AKAP8L: variants seen among roughly 807,000 people sequenced by gnomAD.
AKAP8L encodes A-kinase anchor protein 8-like.
Under a neutral mutation model 77.5 loss-of-function variants are expected in AKAP8L, and 34 were observed. The ratio of observed to expected loss-of-function variants is 0.44; its 90% confidence interval spans 0.33 to 0.58. The LOEUF is 0.58. AKAP8L is among the 20% of genes least tolerant of loss of function. The pLI, the probability that AKAP8L is intolerant of heterozygous loss-of-function variation, is 0.02. For missense variants in AKAP8L, 806 were observed against 887.6 expected, an observed-to-expected ratio of 0.91 and a Z score of 1.17; for synonymous variants, 342 against 340.7, an observed-to-expected ratio of 1.00 and a Z score of -0.04.
chr19:15,418,379 C>T (rs1271923380), intron 1 of AKAP8L, among the ~76,000 whole-genome samples: 1 of 152,092 alleles, frequency 6.6e-6, no homozygotes. Context: ...AGCCCAAACC[C>T]TTCCAATATT....
At chr19:15,385,538 T>C (rs1490170639) in intron 12 of AKAP8L, among the ~76,000 whole-genome samples, 1 of 152,290 alleles carries the variant, frequency 6.6e-6, no homozygotes, top group Non-Finnish European at 1.5e-5. Flanking sequence ...ACCTTACTTA[T>C]AATGTATCAT....
intron 12 of AKAP8L, among the ~76,000 whole-genome samples, chr19:15,392,118 G>A (rs372938116): frequency 5.9e-5 from 9 of 152,198 alleles, no homozygotes; most frequent in East Asian, 5.8e-4. Flanking sequence ...ACAGGTATGA[G>A]CTATAATGCC....
chr19:15,403,391 G>T lies in AKAP8L; in HGVS notation c.362+84C>A. 7.6e-7 allele frequency: 1 copy of T among 1,310,324 alleles called. No homozygotes were observed. Among genetic ancestry groups the T allele is most frequent in the Non-Finnish European group, 1.1e-6 (1 of 915,172 alleles). 81.2% of individuals were successfully genotyped at this position (1,310,324 alleles called of 1,614,324 possible). On this transcript the variant is annotated intron_variant, in intron 4 of 13. Transcript: ENST00000397410. The surrounding 1 kb of genome is among the most constrained non-coding windows in gnomAD (Gnocchi z 4.3). ...CAGCGGGGAGGAAGCAGACACAGAG[G>T]GGCACTCAGAGAGGAAAACGCAGTG...
chr19:15,404,367 G>A (rs1967958311), intron 2 of AKAP8L: 1 of 292,660 alleles, frequency 3.4e-6, no homozygotes, highest in Non-Finnish European at 6.4e-6. Flanking sequence ...GTGCTAATCA[G>A]TTTATAGCAG....
intron 1 of AKAP8L, among the ~76,000 whole-genome samples, chr19:15,414,834 T>C (rs1324042351): frequency 6.6e-6 from 1 of 152,218 alleles, no homozygotes; most frequent in Non-Finnish European, 1.5e-5. Flanking sequence ...GGGGTCTCAC[T>C]GTCATCCAGG....
Position 15,380,280 on chromosome 19 carries a change from G to T in AKAP8L, c.1783C>A (p.Pro595Thr). 6.6e-7 allele frequency: 1 copy of T among 1,524,738 alleles called. No homozygotes were observed. The highest frequency in any genetic ancestry group is 1.4e-5 in the African/African-American group (1 of 71,774). The allele number at this position is 1,524,738 out of a possible 1,614,324, so 94.5% of individuals were successfully genotyped here. ...VPAQPPVPPE[P>T]APGAVSPPPP... ...GGCGGCGACACGGCCCCGGGGGCTGGCTCTGGGGGCACGGGAGGCTGCGCC... is the reference window on the plus strand; with the variant it reads ...GGCGGCGACACGGCCCCGGGGGCTGTCTCTGGGGGCACGGGAGGCTGCGCC... Residue 595 changes from proline (P) to threonine (T), a missense_variant, in exon 14 of 14, where the codon CCA (proline) becomes ACA (threonine). Transcript: ENST00000397410.
chr19:15,380,844 A>G (rs1441636308), intron 12 of AKAP8L: 7 of 569,720 alleles, frequency 1.2e-5, no homozygotes, highest in East Asian at 5.7e-5. Flanking sequence ...ACAGATCTAT[A>G]TATCTCTAAC....
At position 15,380,602 on chromosome 19, in the gene AKAP8L, T is replaced by A; in HGVS notation, c.1547A>T (p.Glu516Val). Residue 516 changes from glutamate (E) to valine (V), a missense_variant, in exon 13 of 14, where the codon GAG becomes GTG. This residue lies in a region of AKAP8L where 226 missense variants were observed against 193.5 expected (regional missense o/e 1.17). Transcript: ENST00000397410. ...DHNRNRRLMM[E>V]QSKKSSLMVA... ...CATGAGGGAGGACTTCTTGGACTGC[T>A]CCATCATGAGCTGCGGGCAGGGCAG... The A allele has an allele frequency of 6.2e-7, 1 of 1,613,602 alleles. No homozygotes were observed. The highest frequency in any genetic ancestry group is 1.1e-5 in the South Asian group (1 of 91,086).
At position 15,397,908 on chromosome 19, in the gene AKAP8L, T is replaced by C; in HGVS notation, c.1158-53A>G. The C allele has an allele frequency of 6.3e-7, 1 of 1,584,816 alleles. No homozygotes were observed. Among genetic ancestry groups the C allele is most frequent in the Non-Finnish European group, 8.6e-7 (1 of 1,165,858 alleles). On this transcript the variant is annotated intron_variant, in intron 9 of 13. Coordinates refer to ENST00000397410, the MANE Select transcript of AKAP8L (RefSeq NM_014371.4). The surrounding 1 kb of genome is among the most constrained non-coding windows in gnomAD (Gnocchi z 4.7). The stretch of plus-strand genomic sequence containing the variant: ...AGGCTGCAAGTGTCCCAGGGGATAG[T>C]GCTGCCGCCTCACCCAACCCAGACA...
At chr19:15,414,238 G>A (rs766377960) in intron 1 of AKAP8L, among the ~76,000 whole-genome samples, 1 of 151,654 alleles carries the variant, frequency 6.6e-6, no homozygotes, top group African/African-American at 2.4e-5. Flanking sequence ...TGTATTTTTA[G>A]TAGAGACGGG....
At chr19:15,409,631 A>AC (rs765541351) in intron 2 of AKAP8L, among the ~76,000 whole-genome samples, 5 of 152,140 alleles carry the variant, frequency 3.3e-5, no homozygotes, top group Non-Finnish European at 5.9e-5. Context: ...CTCAACAGAT[A>AC]CCCCTAGAGT....
At chr19:15,391,672 G>A (rs1233764448) in intron 12 of AKAP8L, among the ~76,000 whole-genome samples, 1 of 151,234 alleles carries the variant, frequency 6.6e-6, no homozygotes, top group Non-Finnish European at 1.5e-5. Context: ...CCAAGTAGCT[G>A]GGACTACAGG....
intron 2 of AKAP8L, among the ~76,000 whole-genome samples, chr19:15,410,233 G>T (rs989627288): frequency 6.6e-6 from 1 of 152,098 alleles, no homozygotes. Context: ...AGGAGCCACC[G>T]CGCCTGGCCT....
At position 15,397,033 on chromosome 19, in the gene AKAP8L, T is replaced by G; in HGVS notation, c.1536+117A>C. Reference sequence around the variant, plus strand: ...TGAGCTGGAAATGTCCATATCCACCTCCTCCTGCCTCCACTGCAGTCCCTC... The same window carrying G: ...TGAGCTGGAAATGTCCATATCCACCGCCTCCTGCCTCCACTGCAGTCCCTC... On this transcript the variant is annotated intron_variant, in intron 12 of 13. Coordinates refer to ENST00000397410, the MANE Select transcript of AKAP8L (RefSeq NM_014371.4). This position sits in a 1 kb window ranked among gnomAD's most constrained non-coding sequence, Gnocchi z 4.7. 3 of 1,422,212 alleles carry G rather than the reference T, an allele frequency of 2.1e-6. No homozygotes were observed. The highest frequency in any genetic ancestry group is 2.9e-6 in the Non-Finnish European group (3 of 1,034,958). 88.1% of individuals were successfully genotyped at this position (1,422,212 alleles called of 1,614,324 possible).
At chr19:15,413,435 C>A (rs1244421942) in intron 1 of AKAP8L, among the ~76,000 whole-genome samples, 2 of 152,196 alleles carry the variant, frequency 1.3e-5, no homozygotes, top group African/African-American at 4.8e-5. Context: ...CCAGCTTCAT[C>A]TTCACTTTCC....
intron 4 of AKAP8L, among the ~76,000 whole-genome samples, chr19:15,402,149 G>A (rs1001387898): frequency 6.6e-6 from 1 of 152,180 alleles, no homozygotes; most frequent in African/African-American, 2.4e-5. Context: ...GTATTTCCCA[G>A]GGAAGACACT....
Position 15,404,006 on chromosome 19 carries a change from T to A in AKAP8L, c.121+4A>T, listed in dbSNP as rs768157782. 5.0e-6 allele frequency: 8 copies of A among 1,613,896 alleles called. No individual in the cohort carries two copies. The highest frequency in any genetic ancestry group is 6.8e-6 in the Non-Finnish European group (8 of 1,179,814). Reference sequence around the variant, plus strand: ...AGGACAGCAATCACAGGAATGACACTTGCCTCTATTTGTCCCAGAGTTCCA... The same window carrying A: ...AGGACAGCAATCACAGGAATGACACATGCCTCTATTTGTCCCAGAGTTCCA... On this transcript the variant is annotated splice_donor_region_variant and intron_variant, in intron 3 of 13. Transcript: ENST00000397410.
chr19:15,393,759 A>G (rs1298692007), intron 12 of AKAP8L, among the ~76,000 whole-genome samples: 4 of 152,154 alleles, frequency 2.6e-5, no homozygotes, highest in Non-Finnish European at 5.9e-5. Flanking sequence ...CGTCTCTACT[A>G]AAAATACAAA....
At position 15,380,257 on chromosome 19, in the gene AKAP8L, C is replaced by T. The variant is rs1210670791; in HGVS notation, c.1806G>A (p.Pro602=). Residue 602 remains proline (P), a synonymous_variant, in exon 14 of 14, where the codon CCG becomes CCA. Coordinates refer to ENST00000397410, the MANE Select transcript of AKAP8L (RefSeq NM_014371.4). ...PPEPAPGAVS[P]PPPPPPEEEE... ...CCTCCTCTGGGGGCGGCGGCGGTGG[C>T]GGCGACACGGCCCCGGGGGCTGGCT... The T allele has an allele frequency of 8.0e-6, 12 of 1,498,052 alleles. No homozygotes were observed. Among genetic ancestry groups the T allele is most frequent in the African/African-American group, 2.9e-5 (2 of 68,642 alleles). 92.8% of individuals were successfully genotyped at this position (1,498,052 alleles called of 1,614,324 possible). A position where few individuals can be genotyped will look rare whatever the true frequency, so the allele number is the denominator to read the frequency against.
Sources: gnomAD v4.1 joint callset for allele counts (sites outside exome capture counted in the v4.1 genomes callset) on GRCh38, gnomAD v4.1.1 for gene constraint, gnomAD v4.1.1 regional missense constraint, Gnocchi (gnomAD v3.1) non-coding constraint, MANE v1.5 for transcripts, NCBI Gene and HGNC (gene_info 2026-07-23, HGNC 2026-07-21) for gene names.